Variants in FAN1 observed in about 807,000 individuals in gnomAD.
The protein encoded by FAN1 is FANCD2 and FANCI associated nuclease 1, also known as fanconi-associated nuclease 1.
FAN1 carries 91 observed loss-of-function variants against 104.9 expected under a neutral mutation model. That is an observed-to-expected ratio of 0.87 (90% CI 0.73 to 1.03). FAN1 has a LOEUF of 1.03. Ranked by LOEUF, FAN1 falls within the 50% of genes least tolerant of loss-of-function variation. FAN1 has a pLI of 0.00. For synonymous variants in FAN1, 478 were observed against 457.6 expected, an observed-to-expected ratio of 1.04 and a Z score of -0.57; for missense variants, 1,263 against 1,239.9, an observed-to-expected ratio of 1.02 and a Z score of -0.28.
chr15:30,909,307 G>C (rs2062047600), intron 3 of FAN1, among the ~76,000 whole-genome samples: 1 of 152,174 alleles, frequency 6.6e-6, no homozygotes, highest in Non-Finnish European at 1.5e-5. Context: ...TGTTAGGGTG[G>C]GGCTGGATGG....
At chr15:30,928,351 A>G (rs1394964063) in intron 10 of FAN1, 2 of 1,319,000 alleles carry the variant, frequency 1.5e-6, no homozygotes, top group East Asian at 6.0e-5. Context: ...TTTGCCCTTA[A>G]GGCTCTGTAT....
chr15:30,940,213 G>GTT, intron 14 of FAN1: 1 of 985,264 alleles, frequency 1.0e-6, no homozygotes, highest in Non-Finnish European at 1.2e-6. Context: ...TTTCACTGCT[G>GTT]TAAGAAGCTT....
At position 30,930,528 on chromosome 15, in the gene FAN1, G is replaced by C. The variant is rs770400642; in HGVS notation, c.2788-15G>C. The C allele has an allele frequency of 6.3e-7, 1 of 1,583,194 alleles. No homozygotes were observed. Among genetic ancestry groups the C allele is most frequent in the Non-Finnish European group, 8.5e-7 (1 of 1,170,942 alleles). ...CACGAGGGAAGTGGCTAACTGTCCTGTGTTTTGTGTTCAGGATCTTGTCTC... is the reference window on the plus strand; with the variant it reads ...CACGAGGGAAGTGGCTAACTGTCCTCTGTTTTGTGTTCAGGATCTTGTCTC... On this transcript the variant is annotated splice_polypyrimidine_tract_variant and intron_variant, in intron 12 of 14. Coordinates refer to ENST00000362065, the MANE Select transcript of FAN1 (RefSeq NM_014967.5).
chr15:30,918,393 CT>C, intron 6 of FAN1, 98 bp downstream of exon 6: 1 of 1,255,922 alleles, frequency 8.0e-7, no homozygotes, highest in Non-Finnish European at 1.1e-6. Flanking sequence ...ACTCCTTTTT[CT>C]CTGTGGTTAA....
intron 13 of FAN1, among the ~76,000 whole-genome samples, chr15:30,936,655 ATTG>A (rs968584903): frequency 1.2e-4 from 10 of 84,926 alleles, no homozygotes; most frequent in South Asian, 4.8e-4. Context: ...AACTGAAAAT[ATTG>A]TTAAGTTGAA....
Position 30,905,215 on chromosome 15 carries a change from C to T in FAN1, c.552C>T (p.Ser184=), listed in dbSNP as rs757901655. The T allele has an allele frequency of 3.3e-5, 53 of 1,613,680 alleles. No homozygotes were observed. The highest frequency in any genetic ancestry group is 4.2e-5 in the Non-Finnish European group (49 of 1,179,912). Residue 184 remains serine (S), a synonymous_variant, in exon 2 of 15, where the codon TCC becomes TCT. Coordinates refer to ENST00000362065, the MANE Select transcript of FAN1 (RefSeq NM_014967.5). ...EEFAGSSPQS[S]KSTVVKSLID... ...TTGCCGGTTCTAGTCCACAGAGTTC[C>T]AAATCCACAGTTGTTAAGAGCCTGA...
chr15:30,922,761 C>T (rs192713082), intron 8 of FAN1, among the ~76,000 whole-genome samples: 14 of 152,346 alleles, frequency 9.2e-5, no homozygotes, highest in African/African-American at 1.4e-4. Flanking sequence ...GAAAGATTGG[C>T]GAGAAAGCGT....
intron 2 of FAN1, among the ~76,000 whole-genome samples, chr15:30,907,288 T>C (rs1001163075): frequency 6.6e-6 from 1 of 151,724 alleles, no homozygotes; most frequent in Non-Finnish European, 1.5e-5. Context: ...GAGGCCCAGG[T>C]GGGCAGATGG....
rs369345963 is a variant in FAN1, at chr15:30,920,668, C to T, written c.2052+15C>T. On this transcript the variant is annotated intron_variant, in intron 7 of 14. Transcript: ENST00000362065. ...ACATGTATGAGGTTAGAGCACAGGT[C>T]CCTGCCCCCCACCATTACTGATGTG... 12 of 1,452,626 alleles carry T rather than the reference C, an allele frequency of 8.3e-6. No individual in the cohort carries two copies. The highest frequency in any genetic ancestry group is 1.2e-5 in the Non-Finnish European group (12 of 1,043,254). The allele number at this position is 1,452,626 out of a possible 1,614,324, so 90.0% of individuals were successfully genotyped here.
chr15:30,926,354 C>T (rs990836742), intron 10 of FAN1, among the ~76,000 whole-genome samples: 10 of 152,178 alleles, frequency 6.6e-5, no homozygotes, highest in East Asian at 3.9e-4. Context: ...TAGTCGCTTT[C>T]GGGAACAGCC....
rs1307563385 is a variant in FAN1 at position 30,914,024 on chromosome 15, ATGGAGTTTCCTAGT to A, written c.1746_1759del (p.Met582IlefsTer15). 1.2e-6 allele frequency: 2 copies of A among 1,614,066 alleles called. No individual in the cohort carries two copies. The highest frequency in any genetic ancestry group is 2.7e-5 in the African/African-American group (2 of 74,930). Reference sequence around the variant, plus strand: ...AGTCCTGTTGGTCAACCTCGGCCGAATGGAGTTTCCTAGTTACACCATCAATCGGAAAACCCACA... The same window carrying A: ...AGTCCTGTTGGTCAACCTCGGCCGAATACACCATCAATCGGAAAACCCACA... On this transcript the variant is annotated frameshift_variant, in exon 5 of 15. Transcript: ENST00000362065. LOFTEE classifies it high-confidence loss of function.
chr15:30,915,799 ATAGTG>A (rs2062187366), intron 5 of FAN1, among the ~76,000 whole-genome samples: 1 of 152,212 alleles, frequency 6.6e-6, no homozygotes, highest in African/African-American at 2.4e-5. Context: ...ATAAGAAAGA[ATAGTG>A]TAGGTCTTAG....
chr15:30,925,034 A>G (rs2062424416), intron 8 of FAN1, 93 bp from the exon 9 acceptor site: 6 of 1,361,892 alleles, frequency 4.4e-6, no homozygotes, highest in Admixed American at 2.2e-5. Context: ...GCAAAATTCA[A>G]TAATAAACAG....
Position 30,905,979 on chromosome 15 carries a change from C to G in FAN1, c.1234+82C>G, listed in dbSNP as rs915069419. 3.1e-6 allele frequency: 4 copies of G among 1,291,990 alleles called. No homozygotes were observed. In the Admixed American group the frequency reaches 7.5e-5, roughly 24 times the overall value. The allele number at this position is 1,291,990 out of a possible 1,614,324, so 80.0% of individuals were successfully genotyped here. A position where few individuals can be genotyped will look rare whatever the true frequency, so the allele number is the denominator to read the frequency against. ...GGGGCATGATGTGATGGGCAGTAAT[C>G]TAGTGACCGCAAGGAGTCACTGTGG... On this transcript the variant is annotated intron_variant, in intron 2 of 14. Coordinates refer to ENST00000362065, the MANE Select transcript of FAN1 (RefSeq NM_014967.5).
intron 3 of FAN1, 55 bp downstream of exon 3, chr15:30,908,313 T>C (rs967656496): frequency 5.5e-6 from 8 of 1,464,308 alleles, no homozygotes; most frequent in Middle Eastern, 1.8e-4. Flanking sequence ...GAACTGAGCT[T>C]CTGCAGAATG....
chr15:30,929,917 ATATC>A (rs2062648189), intron 12 of FAN1, among the ~76,000 whole-genome samples: 1 of 78,874 alleles, frequency 1.3e-5, no homozygotes, highest in Non-Finnish European at 2.2e-5. Flanking sequence ...TATATAATAT[ATATC>A]ATATATAATA....
chr15:30,941,399 T>C, intron 14 of FAN1, 167 bp from the exon 15 acceptor site: 1 of 1,555,558 alleles, frequency 6.4e-7, no homozygotes, highest in Non-Finnish European at 8.7e-7. Context: ...TTCAAACGCC[T>C]AGGTTAGCAA....
Position 30,929,186 on chromosome 15 carries a change from C to T in FAN1, c.2593-17C>T. The T allele has an allele frequency of 6.2e-7, 1 of 1,607,532 alleles. No individual in the cohort carries two copies. Among genetic ancestry groups the T allele is most frequent in the South Asian group, 1.1e-5 (1 of 90,230 alleles). Reference sequence around the variant, plus strand: ...TCTGCAGGCACAGTATGACAGCTTGCTTTCCCTGTGACACAGGCATTCCCC... The same window carrying T: ...TCTGCAGGCACAGTATGACAGCTTGTTTTCCCTGTGACACAGGCATTCCCC... On this transcript the variant is annotated splice_polypyrimidine_tract_variant and intron_variant, in intron 11 of 14. Transcript: ENST00000362065.
chr15:30,931,196 T>A (rs781309370), intron 13 of FAN1, among the ~76,000 whole-genome samples: 1 of 152,190 alleles, frequency 6.6e-6, no homozygotes, highest in Admixed American at 6.5e-5. Flanking sequence ...ATCTACTATG[T>A]ACCCACAAAA....
Sources: allele counts gnomAD v4.1 joint callset (sites outside exome capture counted in the v4.1 genomes callset), GRCh38; gene constraint gnomAD v4.1.1; transcripts MANE v1.5; gene names NCBI Gene and HGNC (gene_info 2026-07-23, HGNC 2026-07-21).